The following CSPP1 variants were observed in gnomAD, a reference collection of about 807,000 sequenced individuals.
CSPP1 encodes centrosome and spindle pole-associated protein 1.
A neutral mutation model predicts 164.4 loss-of-function variants in CSPP1; 126 were observed. The observed-to-expected ratio is 0.77, with a 90% CI of 0.66 to 0.89. CSPP1 has a LOEUF of 0.89. CSPP1 is among the 40% of genes least tolerant of loss of function. CSPP1 has a pLI of 0.00. For synonymous variants in CSPP1, 472 were observed against 476.7 expected, an observed-to-expected ratio of 0.99 and a Z score of 0.13; for missense variants, 1,395 against 1,449.8, an observed-to-expected ratio of 0.96 and a Z score of 0.61.
At chr8:67,158,857 C>A in intron 20 of CSPP1, 134 bp from the exon 21 acceptor site, 2 of 928,504 alleles carry the variant, frequency 2.2e-6, no homozygotes, top group Non-Finnish European at 3.2e-6. Context: ...TTTAAGCAGA[C>A]AACTTATGTT....
At chr8:67,096,500 G>A (rs1175470088) in intron 7 of CSPP1, among the ~76,000 whole-genome samples, 1 of 151,966 alleles carries the variant, frequency 6.6e-6, no homozygotes, top group Non-Finnish European at 1.5e-5. Context: ...GGGAGGCAGA[G>A]GTTGCAGTGA....
intron 22 of CSPP1, 78 bp from the exon 23 acceptor site, chr8:67,163,654 A>G (rs1828790206): frequency 9.5e-7 from 1 of 1,049,518 alleles, no homozygotes; most frequent in African/African-American, 1.6e-5. Flanking sequence ...ACATATAAAT[A>G]CTTCAAAAAA....
chr8:67,142,798 A>G (rs1290014032), intron 17 of CSPP1, among the ~76,000 whole-genome samples: 1 of 152,198 alleles, frequency 6.6e-6, no homozygotes, highest in Non-Finnish European at 1.5e-5. Flanking sequence ...TGAGGTTTCT[A>G]GTTGCTCTGA....
At chr8:67,191,415 T>A (rs1836212255) in intron 29 of CSPP1, among the ~76,000 whole-genome samples, 1 of 152,238 alleles carries the variant, frequency 6.6e-6, no homozygotes, top group Admixed American at 6.5e-5. Flanking sequence ...AGCGTTATTA[T>A]ATGTACAGCA....
intron 21 of CSPP1, among the ~76,000 whole-genome samples, chr8:67,159,844 TTCTTTCTTTTTCTTTCTTTCTTTC>T (rs1827460593): frequency 5.7e-5 from 7 of 122,858 alleles, no homozygotes; most frequent in African/African-American, 1.2e-4. Flanking sequence ...CTTTCTTTCT[TTCTTTCTTTTTCTTTCTTTCTTTC>T]TTTCTTTCTT....
intron 4 of CSPP1, among the ~76,000 whole-genome samples, chr8:67,087,409 A>G (rs1810635745): frequency 6.6e-6 from 1 of 152,224 alleles, no homozygotes; most frequent in African/African-American, 2.4e-5. Context: ...TATATCAGGT[A>G]TGCATCCTGT....
chr8:67,193,589 A>G lies in CSPP1; in HGVS notation c.3456A>G (p.Lys1152=). 1 of 1,613,420 alleles carries G rather than the reference A, an allele frequency of 6.2e-7. No homozygotes were observed. Among genetic ancestry groups the G allele is most frequent in the Non-Finnish European group, 8.5e-7 (1 of 1,179,528 alleles). ...GAAGACTGAATGAATTTCACAATAA[A>G]CCTATTAATACAGGTAAATGACCAA... The part of the protein sequence containing the change: ...RMRRLNEFHN[K]PINTDDESSL... The change falls in exon 30 of 31, where the codon AAA becomes AAG. Residue 1152 remains lysine, a synonymous_variant. Transcript: ENST00000678616.
rs780045401 is a variant in CSPP1 at position 67,175,413 on chromosome 8, T to A, written c.3086T>A (p.Ile1029Lys). The change falls in exon 26 of 31, where the codon ATA (isoleucine) becomes AAA (lysine). Residue 1029 changes from isoleucine to lysine, a missense_variant. By Grantham distance (102) the Ile-to-Lys change is moderately radical. Transcript: ENST00000678616. ...LREQQKRLNR[I>K]KMQEGAKVDL... Reference sequence around the variant, plus strand: ...GAGCAGCAGAAGAGGCTGAACAGAATAAAAATGCAGGAAGGTGCCAAAGGT... The same window carrying A: ...GAGCAGCAGAAGAGGCTGAACAGAAAAAAAATGCAGGAAGGTGCCAAAGGT... The A allele has an allele frequency of 6.2e-7, 1 of 1,614,152 alleles. No individual in the cohort carries two copies. Among genetic ancestry groups the A allele is most frequent in the South Asian group, 1.1e-5 (1 of 91,084 alleles).
At chr8:67,175,557 A>C in intron 26 of CSPP1, 121 bp downstream of exon 26, 39 of 1,185,862 alleles carry the variant, frequency 3.3e-5, no homozygotes, top group Non-Finnish European at 4.4e-5. Context: ...CCCCATGCTC[A>C]CAGGGTCCGT....
intron 1 of CSPP1, among the ~76,000 whole-genome samples, chr8:67,066,771 A>G (rs58307420): frequency 0.083 from 12,573 of 151,908 alleles, 1,060 homozygotes; most frequent in African/African-American, 0.22. Flanking sequence ...ACACACATAT[A>G]TATTTGTTTT....
intron 28 of CSPP1, among the ~76,000 whole-genome samples, chr8:67,187,319 T>A (rs1834954044): frequency 6.6e-6 from 1 of 152,148 alleles, no homozygotes; most frequent in South Asian, 2.1e-4. Context: ...AGAGTTATGA[T>A]AAAGTTATAA....
chr8:67,074,348 G>T lies in CSPP1; in HGVS notation c.96G>T (p.Met32Ile). Reference sequence around the variant, plus strand: ...AAAGTGATCCACCTTACATGGAAATGAAGGTAAATTTAATAATTTTCTTTG... The same window carrying T: ...AAAGTGATCCACCTTACATGGAAATTAAGGTAAATTTAATAATTTTCTTTG... ...ELESDPPYME[M>I]KGKLSAKLSE... Residue 32 changes from methionine to isoleucine, a missense_variant, in exon 2 of 31, where the codon ATG (methionine) becomes ATT (isoleucine). Transcript: ENST00000678616. 1 of 1,572,572 alleles carries T rather than the reference G, an allele frequency of 6.4e-7. No individual in the cohort carries two copies. The highest frequency in any genetic ancestry group is 8.7e-7 in the Non-Finnish European group (1 of 1,149,728).
rs377423199 is a variant in CSPP1, at chr8:67,184,744, TATAATA to T, written c.3220+4838_3220+4843del. On this transcript the variant is annotated intron_variant, in intron 28 of 30. Transcript: ENST00000678616. Reference sequence around the variant, plus strand: ...GTCTAAAAAAATAATAATAAAAAAATATAATAATAATAATAATAATAATAAAGGTTG... The same window carrying T: ...GTCTAAAAAAATAATAATAAAAAAATATAATAATAATAATAATAAAGGTTG... 1.3e-3 allele frequency among the ~76,000 whole-genome samples: 185 copies of T among 142,506 alleles called. 2 individuals carry two copies. In the South Asian group the frequency reaches 0.026, roughly 20 times the overall value. 93.5% of individuals were successfully genotyped at this position (142,506 alleles called of 152,430 possible). A position where few individuals can be genotyped will look rare whatever the true frequency, so the allele number is the denominator to read the frequency against.
At chr8:67,084,377 T>A (rs963162567) in intron 3 of CSPP1, 5 of 152,218 alleles carry the variant, frequency 3.3e-5, no homozygotes, top group African/African-American at 1.2e-4. Context: ...TCCATAAACA[T>A]CCACTTATGT....
At chr8:67,097,092 C>T (rs1435459811) in intron 7 of CSPP1, among the ~76,000 whole-genome samples, 1 of 152,074 alleles carries the variant, frequency 6.6e-6, no homozygotes, top group Non-Finnish European at 1.5e-5. Flanking sequence ...ATAGTTTAAC[C>T]TAACTTGTTT....
intron 29 of CSPP1, among the ~76,000 whole-genome samples, chr8:67,192,319 C>T (rs1224799360): frequency 1.3e-5 from 2 of 152,208 alleles, no homozygotes; most frequent in Admixed American, 1.3e-4. Flanking sequence ...GGGTGATCCA[C>T]CTGCCTCGGC....
At chr8:67,114,815 C>G (rs1027491920) in intron 12 of CSPP1, 1 of 152,154 alleles carries the variant, frequency 6.6e-6, no homozygotes, top group Admixed American at 6.5e-5. Context: ...TAGTGTGTGA[C>G]AGACCTTATT....
intron 3 of CSPP1, among the ~76,000 whole-genome samples, chr8:67,081,300 G>A (rs1386419697): frequency 6.6e-6 from 1 of 152,012 alleles, no homozygotes; most frequent in East Asian, 1.9e-4. Flanking sequence ...CATTCCCATT[G>A]TCTGGAAAAT....
intron 27 of CSPP1, among the ~76,000 whole-genome samples, chr8:67,179,280 A>C (rs146252670): frequency 2.0e-5 from 3 of 152,134 alleles, no homozygotes; most frequent in Non-Finnish European, 4.4e-5. Context: ...ATGCTCCACT[A>C]TATCTGTGCT....
Sources: gnomAD v4.1 joint callset for allele counts (sites outside exome capture counted in the v4.1 genomes callset) on GRCh38, gnomAD v4.1.1 for gene constraint, MANE v1.5 for transcripts, NCBI Gene and HGNC (gene_info 2026-07-23, HGNC 2026-07-21) for gene names.